Variants in UMAD1 observed in about 807,000 individuals in gnomAD.
UMAD1 encodes UBAP1-MVB12-associated (UMA)-domain containing protein 1.
Under a neutral mutation model 6.1 loss-of-function variants are expected in UMAD1, and 8 were observed. The observed-to-expected ratio is 1.30, with a 90% CI of 0.76 to 2.35. The LOEUF is 2.35. Ranked by LOEUF, UMAD1 falls within the 30% of genes most tolerant of loss-of-function variation. UMAD1 has a pLI of 0.00. For missense variants in UMAD1, 130 were observed against 78.4 expected (o/e 1.66, Z -2.49); for synonymous variants, 56 against 31.4 (o/e 1.78, Z -2.61).
intron 2 of UMAD1, among the ~76,000 whole-genome samples, chr7:7,725,608 C>A (rs948235694): frequency 2.0e-5 from 3 of 152,178 alleles, no homozygotes; most frequent in African/African-American, 7.2e-5. Context: ...CCTGAACTGC[C>A]TATCATGAAC....
intron 3 of UMAD1, among the ~76,000 whole-genome samples, chr7:7,822,979 G>A (rs183889861): frequency 6.6e-6 from 1 of 152,152 alleles, no homozygotes; most frequent in East Asian, 1.9e-4. Flanking sequence ...TGAGGTTATA[G>A]TGCTAATATG....
chr7:7,748,789 C>A (rs1034098245), intron 2 of UMAD1, among the ~76,000 whole-genome samples: 1 of 151,462 alleles, frequency 6.6e-6, no homozygotes, highest in African/African-American at 2.4e-5. Flanking sequence ...TTAAAAAATT[C>A]TTTTATTTTT....
chr7:7,686,333 T>C (rs1349277172), intron 2 of UMAD1, among the ~76,000 whole-genome samples: 1 of 152,194 alleles, frequency 6.6e-6, no homozygotes, highest in Non-Finnish European at 1.5e-5. Flanking sequence ...TTGTGTGGCC[T>C]TCTCAAATGT....
chr7:7,795,047 G>GT (rs1782646461), intron 2 of UMAD1, among the ~76,000 whole-genome samples: 1 of 152,170 alleles, frequency 6.6e-6, no homozygotes, highest in South Asian at 2.1e-4. Context: ...ACTATGACTT[G>GT]TAAGAACCCC....
rs552830995 is a variant in UMAD1 at position 7,775,480 on chromosome 7, G to A, written c.83-26190G>A. On this transcript the variant is annotated intron_variant, in intron 2 of 3. Coordinates refer to ENST00000682710, the MANE Select transcript of UMAD1 (RefSeq NM_001302348.2). ...TCTCTTTCCTGCCACCCTTTGAAGA[G>A]GTGCCTTCCGCCATGATTGTAAGTT... 5.6e-4 allele frequency among the ~76,000 whole-genome samples: 85 copies of A among 152,230 alleles called. 1 individual carries two copies. The highest frequency in any genetic ancestry group is 1.1e-3 in the Non-Finnish European group (72 of 68,010).
intron 2 of UMAD1, among the ~76,000 whole-genome samples, chr7:7,696,375 T>G (rs1780318056): frequency 6.6e-6 from 1 of 151,912 alleles, no homozygotes; most frequent in African/African-American, 2.4e-5. Flanking sequence ...GTAAAAACTG[T>G]GAAATCATAT....
chr7:7,813,120 A>G (rs1029610915), intron 3 of UMAD1, among the ~76,000 whole-genome samples: 22 of 152,172 alleles, frequency 1.4e-4, no homozygotes, highest in African/African-American at 5.3e-4. Context: ...ACATAGAAAA[A>G]AAATTATACT....
intron 3 of UMAD1, among the ~76,000 whole-genome samples, chr7:7,852,466 C>G (rs1783936272): frequency 1.3e-5 from 2 of 152,166 alleles, no homozygotes; most frequent in African/African-American, 2.4e-5. Context: ...AGTCCAGGCC[C>G]CTGGATCTTC....
chr7:7,865,743 C>A (rs1482292278), intron 3 of UMAD1, among the ~76,000 whole-genome samples: 1 of 152,086 alleles, frequency 6.6e-6, no homozygotes, highest in Non-Finnish European at 1.5e-5. Context: ...CCAGATTATA[C>A]CATGTAGCTG....
intron 3 of UMAD1, among the ~76,000 whole-genome samples, chr7:7,820,382 T>C (rs1345061695): frequency 6.6e-6 from 1 of 152,230 alleles, no homozygotes; most frequent in Non-Finnish European, 1.5e-5. Flanking sequence ...CCACTGACTT[T>C]TTGGTTTCTA....
intron 3 of UMAD1, among the ~76,000 whole-genome samples, chr7:7,828,529 T>C (rs1476586084): frequency 1.3e-5 from 2 of 152,212 alleles, no homozygotes; most frequent in African/African-American, 4.8e-5. Flanking sequence ...CCCGAGCTTC[T>C]TGCGGCTATA....
chr7:7,875,406 G>GT (rs1195396747), intron 3 of UMAD1, among the ~76,000 whole-genome samples: 1 of 152,134 alleles, frequency 6.6e-6, no homozygotes, highest in South Asian at 2.1e-4. Context: ...CCAGGAGCTG[G>GT]TTTTTTGAAA....
chr7:7,781,816 CA>C (rs1225237619), intron 2 of UMAD1, among the ~76,000 whole-genome samples: 1 of 151,654 alleles, frequency 6.6e-6, no homozygotes, highest in African/African-American at 2.4e-5. Context: ...TTTATAATTT[CA>C]GAGAGGGAGA....
At chr7:7,768,554 T>C (rs1265246096) in intron 2 of UMAD1, among the ~76,000 whole-genome samples, 1 of 152,198 alleles carries the variant, frequency 6.6e-6, no homozygotes, top group Non-Finnish European at 1.5e-5. Flanking sequence ...TCAGCTTCTC[T>C]GAGGAGGCCT....
chr7:7,670,196 G>A (rs1052127496), intron 1 of UMAD1, among the ~76,000 whole-genome samples: 2 of 152,134 alleles, frequency 1.3e-5, no homozygotes, highest in Admixed American at 6.6e-5. Context: ...AACTTTTGGG[G>A]TTGGAGAATG....
intron 2 of UMAD1, among the ~76,000 whole-genome samples, chr7:7,751,889 G>A (rs1392667924): frequency 6.6e-6 from 1 of 152,142 alleles, no homozygotes; most frequent in Admixed American, 6.5e-5. Context: ...TACTCTGACG[G>A]TCCTTCTATC....
chr7:7,741,878 TAA>T lies in UMAD1; in HGVS notation c.83-59790_83-59789del, dbSNP rs370773447. The T allele has an allele frequency of 4.0e-3, 830 of 208,716 alleles. 18 individuals carry two copies. The highest frequency in any genetic ancestry group is 3.0e-3 in the East Asian group (22 of 7,438). 12.9% of individuals were successfully genotyped at this position (208,716 alleles called of 1,614,324 possible). A position where few individuals can be genotyped will look rare whatever the true frequency, so the allele number is the denominator to read the frequency against. On this transcript the variant is annotated intron_variant, in intron 2 of 3. Coordinates refer to ENST00000682710, the MANE Select transcript of UMAD1 (RefSeq NM_001302348.2). ...AGAACACCTTTGTAAAATGAAAAAA[TAA>T]AGTCATTTTTTACTACTAAACAAAA... is the stretch of plus-strand genomic sequence containing the variant.
chr7:7,767,126 C>CCCTTT (rs1782000844), intron 2 of UMAD1, among the ~76,000 whole-genome samples: 1 of 107,682 alleles, frequency 9.3e-6, no homozygotes, highest in African/African-American at 3.7e-5. Context: ...AGAAATTAAG[C>CCCTTT]TCTTTTTTTT....
chr7:7,873,057 T>A (rs1784359475), intron 3 of UMAD1, among the ~76,000 whole-genome samples: 1 of 152,262 alleles, frequency 6.6e-6, no homozygotes, highest in Non-Finnish European at 1.5e-5. Context: ...TGCCGAGCAC[T>A]GTTCTGCTTA....
Sources: gnomAD v4.1 joint callset for allele counts (sites outside exome capture counted in the v4.1 genomes callset) on GRCh38, gnomAD v4.1.1 for gene constraint, MANE v1.5 for transcripts, NCBI Gene and HGNC (gene_info 2026-07-23, HGNC 2026-07-21) for gene names.